LHFPL3: variants seen among roughly 807,000 people sequenced by gnomAD.
LHFPL3 encodes LHFPL tetraspan subfamily member 3 protein.
In LHFPL3, 5 loss-of-function variants were observed where a neutral mutation model predicts 19.3. That is an observed-to-expected ratio of 0.26 (90% CI 0.14 to 0.54). LHFPL3 has a LOEUF of 0.54. Among genes scored for constraint, LHFPL3 ranks in the 20% least tolerant of loss-of-function variants. The pLI, the probability that LHFPL3 is intolerant of heterozygous loss-of-function variation, is 0.94. For missense variants in LHFPL3, 249 were observed against 307.4 expected, an observed-to-expected ratio of 0.81 and a Z score of 1.42; for synonymous variants, 133 against 126.2, an observed-to-expected ratio of 1.05 and a Z score of -0.36.
At chr7:104,682,677 G>T (rs1198773894) in intron 1 of LHFPL3, among the ~76,000 whole-genome samples, 1 of 152,130 alleles carries the variant, frequency 6.6e-6, no homozygotes, top group Non-Finnish European at 1.5e-5. Context: ...GATAAATGGG[G>T]CCCCTTCCCC....
intron 1 of LHFPL3, among the ~76,000 whole-genome samples, chr7:104,696,202 A>C (rs879889273): frequency 2.0e-5 from 3 of 152,170 alleles, no homozygotes; most frequent in Non-Finnish European, 4.4e-5. Flanking sequence ...CACCTACCTC[A>C]GCCTCCCGGA....
At position 104,612,515 on chromosome 7, in the gene LHFPL3, T is replaced by C. The variant is rs538302224; in HGVS notation, c.446-124160T>C. Among the ~76,000 whole-genome samples the C allele has an allele frequency of 1.6e-3, 240 of 152,290 alleles. 1 individual carries two copies. The highest frequency in any genetic ancestry group is 2.9e-3 in the Non-Finnish European group (200 of 68,024). ...ACCAAAAGTTTGGAATAAAGACATC[T>C]CATAAATTTTTCGAATGTACCATCA... On this transcript the variant is annotated intron_variant, in intron 1 of 2. Transcript: ENST00000424859.
intron 1 of LHFPL3, among the ~76,000 whole-genome samples, chr7:104,658,483 TCTCTAGTACCTGGAGTACTCTCGTAC>T (rs1360978501): frequency 4.6e-5 from 7 of 152,192 alleles, no homozygotes; most frequent in African/African-American, 1.7e-4. Flanking sequence ...GTGTTCTCCA[TCTCTAGTACCTGGAGTACTCTCGTAC>T]CTCTAGTACC....
intron 1 of LHFPL3, among the ~76,000 whole-genome samples, chr7:104,717,497 C>G (rs536845180): frequency 1.5e-4 from 23 of 152,070 alleles, no homozygotes; most frequent in Non-Finnish European, 3.1e-4. Context: ...GGGCTAAAGA[C>G]TTGAACATAT....
chr7:104,465,622 G>C (rs765780339), intron 1 of LHFPL3, among the ~76,000 whole-genome samples: 3 of 152,198 alleles, frequency 2.0e-5, no homozygotes, highest in Non-Finnish European at 2.9e-5. Flanking sequence ...ATGAGAGCAA[G>C]TGGGGGAAAG....
chr7:104,606,804 G>A (rs978991373), intron 1 of LHFPL3, among the ~76,000 whole-genome samples: 1 of 152,138 alleles, frequency 6.6e-6, no homozygotes, highest in Non-Finnish European at 1.5e-5. Flanking sequence ...GGGGTCTAGG[G>A]TATAGGTGCC....
At chr7:104,864,774 G>T (rs1182682481) in intron 2 of LHFPL3, among the ~76,000 whole-genome samples, 1 of 152,220 alleles carries the variant, frequency 6.6e-6, no homozygotes, top group Non-Finnish European at 1.5e-5. Context: ...CTGGAGATCT[G>T]AGAACAGACA....
intron 1 of LHFPL3, among the ~76,000 whole-genome samples, chr7:104,351,287 A>T (rs573633637): frequency 2.0e-5 from 3 of 152,214 alleles, no homozygotes; most frequent in South Asian, 2.1e-4. Context: ...CTTGAGTCTG[A>T]TGTCACCTTT....
At chr7:104,435,282 G>T (rs953362124) in intron 1 of LHFPL3, among the ~76,000 whole-genome samples, 1 of 151,900 alleles carries the variant, frequency 6.6e-6, no homozygotes, top group Non-Finnish European at 1.5e-5. Flanking sequence ...AGCTGGGACT[G>T]CAGGCATGTG....
intron 1 of LHFPL3, among the ~76,000 whole-genome samples, chr7:104,454,406 T>C (rs1347272586): frequency 6.6e-6 from 1 of 152,200 alleles, no homozygotes; most frequent in African/African-American, 2.4e-5. Flanking sequence ...ATGGGTATTA[T>C]TGTTGTCACT....
At chr7:104,702,914 G>C (rs997672404) in intron 1 of LHFPL3, among the ~76,000 whole-genome samples, 1 of 152,168 alleles carries the variant, frequency 6.6e-6, no homozygotes, top group Admixed American at 6.5e-5. Context: ...GAAAATCCTG[G>C]AAGGTCCCAG....
At chr7:104,354,851 A>G (rs1790244736) in intron 1 of LHFPL3, among the ~76,000 whole-genome samples, 1 of 152,196 alleles carries the variant, frequency 6.6e-6, no homozygotes, top group Non-Finnish European at 1.5e-5. Context: ...TCAATAATAT[A>G]TCTTAATATA....
chr7:104,786,778 G>T (rs1237496721), intron 2 of LHFPL3, among the ~76,000 whole-genome samples: 3 of 149,496 alleles, frequency 2.0e-5, no homozygotes, highest in African/African-American at 7.4e-5. Flanking sequence ...GTTACATATG[G>T]CTAGTGCAAT....
At chr7:104,766,443 AT>A (rs573060880) in intron 2 of LHFPL3, among the ~76,000 whole-genome samples, 4 of 152,076 alleles carry the variant, frequency 2.6e-5, no homozygotes, top group Non-Finnish European at 5.9e-5. Flanking sequence ...CACCTTGTAC[AT>A]TTTCTAATGA....
chr7:104,754,934 TA>T (rs1232893167), intron 2 of LHFPL3, among the ~76,000 whole-genome samples: 1 of 152,102 alleles, frequency 6.6e-6, no homozygotes, highest in Admixed American at 6.5e-5. Flanking sequence ...CACCAGGTGC[TA>T]GGGGGCAGAG....
chr7:104,773,653 G>T (rs1463673547), intron 2 of LHFPL3, among the ~76,000 whole-genome samples: 2 of 152,204 alleles, frequency 1.3e-5, no homozygotes, highest in African/African-American at 4.8e-5. Context: ...CAGTCACACT[G>T]CAGTAGGGCA....
chr7:104,822,950 C>A (rs1321364138), intron 2 of LHFPL3, among the ~76,000 whole-genome samples: 3 of 152,104 alleles, frequency 2.0e-5, no homozygotes, highest in African/African-American at 7.2e-5. Context: ...CTGAGTTACA[C>A]CCTGTGAGGA....
intron 2 of LHFPL3, among the ~76,000 whole-genome samples, chr7:104,869,014 G>T (rs535832106): frequency 6.6e-6 from 1 of 152,162 alleles, no homozygotes; most frequent in African/African-American, 2.4e-5. Context: ...GGGAAAACTG[G>T]CTAGCCATAT....
intron 2 of LHFPL3, among the ~76,000 whole-genome samples, chr7:104,903,088 C>T (rs192176885): frequency 2.6e-5 from 4 of 152,324 alleles, no homozygotes; most frequent in African/African-American, 9.6e-5. Context: ...TGTCACTACC[C>T]TGGGGTCTGA....
Sources: gnomAD v4.1 joint callset for allele counts (sites outside exome capture counted in the v4.1 genomes callset) on GRCh38, gnomAD v4.1.1 for gene constraint, MANE v1.5 for transcripts, NCBI Gene and HGNC (gene_info 2026-07-23, HGNC 2026-07-21) for gene names.